SEMA3E: variants seen among roughly 807,000 people sequenced by gnomAD.
SEMA3E encodes semaphorin 3E.
SEMA3E carries 49 observed loss-of-function variants against 93.6 expected under a neutral mutation model. That is an observed-to-expected ratio of 0.52 (90% CI 0.42 to 0.66). The LOEUF is 0.66. SEMA3E is among the 30% of genes least tolerant of loss of function. The pLI, the probability that SEMA3E is intolerant of heterozygous loss-of-function variation, is 0.00. For synonymous variants in SEMA3E, 363 were observed against 330.7 expected (o/e 1.10, Z -1.06); for missense variants, 906 against 964.8 (o/e 0.94, Z 0.81).
intron 1 of SEMA3E, among the ~76,000 whole-genome samples, chr7:83,537,444 G>A (rs1032907350): frequency 6.6e-6 from 1 of 152,132 alleles, no homozygotes; most frequent in Admixed American, 6.6e-5. Context: ...GACATTTTTA[G>A]TTGTCACAAA....
chr7:83,468,354 G>A (rs116939733), intron 3 of SEMA3E, among the ~76,000 whole-genome samples: 2 of 152,162 alleles, frequency 1.3e-5, no homozygotes, highest in East Asian at 1.9e-4. Flanking sequence ...TTGACACACC[G>A]TCACATCTGA....
chr7:83,631,030 A>G (rs1261387101), intron 1 of SEMA3E, among the ~76,000 whole-genome samples: 1 of 152,172 alleles, frequency 6.6e-6, no homozygotes, highest in Non-Finnish European at 1.5e-5. Flanking sequence ...GCAAATCTAC[A>G]AGATTTCAAG....
chr7:83,505,756 C>T (rs1386232074), intron 1 of SEMA3E, among the ~76,000 whole-genome samples: 2 of 151,988 alleles, frequency 1.3e-5, no homozygotes, highest in East Asian at 1.9e-4. Flanking sequence ...TGGCTCATGC[C>T]TGTAATCCCA....
intron 5 of SEMA3E, 78 bp downstream of exon 5, chr7:83,418,312 A>G (rs912163671): frequency 5.0e-6 from 5 of 1,003,784 alleles, no homozygotes; most frequent in Admixed American, 2.0e-5. Context: ...GAAATGCTGA[A>G]AGAATGTAAC....
chr7:83,589,962 G>T (rs1353440236), intron 1 of SEMA3E, among the ~76,000 whole-genome samples: 1 of 152,146 alleles, frequency 6.6e-6, no homozygotes, highest in East Asian at 1.9e-4. Flanking sequence ...CACACCTTGA[G>T]AAATGGCTTC....
At chr7:83,615,686 C>A (rs999022873) in intron 1 of SEMA3E, among the ~76,000 whole-genome samples, 1 of 152,134 alleles carries the variant, frequency 6.6e-6, no homozygotes, top group South Asian at 2.1e-4. Flanking sequence ...ATCACCCATA[C>A]TTTCCCACCT....
chr7:83,513,136 T>C (rs186769296), intron 1 of SEMA3E, among the ~76,000 whole-genome samples: 2 of 152,342 alleles, frequency 1.3e-5, no homozygotes, highest in East Asian at 1.9e-4. Flanking sequence ...TTGGAGTCAT[T>C]AAGAACCATG....
At chr7:83,387,842 A>AAT in intron 14 of SEMA3E, among the ~76,000 whole-genome samples, 1 of 113,378 alleles carries the variant, frequency 8.8e-6, no homozygotes, top group South Asian at 2.5e-4. Flanking sequence ...ATATAACGTT[A>AAT]TATATATGTT....
At chr7:83,480,382 C>G (rs1217194600) in intron 2 of SEMA3E, among the ~76,000 whole-genome samples, 1 of 151,986 alleles carries the variant, frequency 6.6e-6, no homozygotes, top group African/African-American at 2.4e-5. Flanking sequence ...GAGCCGAGTT[C>G]GTGCCACTGT....
chr7:83,569,153 A>T (rs1381660166), intron 1 of SEMA3E, among the ~76,000 whole-genome samples: 1 of 142,536 alleles, frequency 7.0e-6, no homozygotes, highest in Non-Finnish European at 1.5e-5. Flanking sequence ...AAAAAAAAAA[A>T]AATCTTATAA....
chr7:83,376,240 G>T (rs2116903594), intron 16 of SEMA3E, among the ~76,000 whole-genome samples: 1 of 152,052 alleles, frequency 6.6e-6, no homozygotes, highest in East Asian at 1.9e-4. Context: ...TAAACTTATG[G>T]CTGGCTTTGA....
At chr7:83,552,633 G>A (rs1584326521) in intron 1 of SEMA3E, among the ~76,000 whole-genome samples, 2 of 152,174 alleles carry the variant, frequency 1.3e-5, no homozygotes, top group East Asian at 1.9e-4. Context: ...CCTGGGAAAG[G>A]AATGCATTCC....
chr7:83,392,828 T>A, intron 13 of SEMA3E, 107 bp from the exon 14 acceptor site: 2 of 1,067,432 alleles, frequency 1.9e-6, no homozygotes, highest in Non-Finnish European at 2.8e-6. Flanking sequence ...AAAATTCACT[T>A]AAATTTAATT....
chr7:83,401,941 CCTCA>C (rs1250485859), intron 10 of SEMA3E, among the ~76,000 whole-genome samples: 1 of 152,022 alleles, frequency 6.6e-6, no homozygotes, highest in Non-Finnish European at 1.5e-5. Flanking sequence ...TCATCATCAC[CCTCA>C]CTATCATCAT....
chr7:83,629,797 C>T (rs1219262438), intron 1 of SEMA3E, among the ~76,000 whole-genome samples: 6 of 152,078 alleles, frequency 3.9e-5, no homozygotes, highest in South Asian at 4.2e-4. Flanking sequence ...GGGGAGCGAA[C>T]GGATCTGCCT....
rs115464216 is a variant in SEMA3E, at chr7:83,505,506, C to T, written c.116-15232G>A. On this transcript the variant is annotated intron_variant, in intron 1 of 16. Coordinates refer to ENST00000643230, the MANE Select transcript of SEMA3E (RefSeq NM_012431.3). Reference sequence around the variant, plus strand: ...AAAACTATTTTTTAAATTTAAACTTCCCCATTTGTGGAAGTATAGGAGTGG... The same window carrying T: ...AAAACTATTTTTTAAATTTAAACTTTCCCATTTGTGGAAGTATAGGAGTGG... Among the ~76,000 whole-genome samples, 620 of 152,250 alleles carry T rather than the reference C, an allele frequency of 4.1e-3. 6 individuals are homozygous for T. The highest frequency in any genetic ancestry group is 0.012 in the African/African-American group (499 of 41,548).
intron 4 of SEMA3E, among the ~76,000 whole-genome samples, chr7:83,462,424 C>T (rs1789647135): frequency 6.6e-6 from 1 of 152,130 alleles, no homozygotes; most frequent in Non-Finnish European, 1.5e-5. Context: ...CCTTATTAGG[C>T]TGAGACACTT....
chr7:83,453,843 A>T lies in SEMA3E; in HGVS notation c.456+12639T>A, dbSNP rs115543608. ...ATATATAAAAATTATCTGAAAGTAT[A>T]ATGTTATAAAAATGTAAATATTCAT... On this transcript the variant is annotated intron_variant, in intron 4 of 16. Transcript: ENST00000643230. 2.8e-3 allele frequency among the ~76,000 whole-genome samples: 422 copies of T among 152,180 alleles called. 2 individuals are homozygous for T. Among genetic ancestry groups the T allele is most frequent in the African/African-American group, 8.5e-3 (352 of 41,532 alleles).
At chr7:83,413,684 T>A (rs1261507631) in intron 5 of SEMA3E, among the ~76,000 whole-genome samples, 1 of 152,164 alleles carries the variant, frequency 6.6e-6, no homozygotes, top group Non-Finnish European at 1.5e-5. Context: ...TTAGCTGTTG[T>A]TTGGGCTTTC....
Sources: gnomAD v4.1 joint callset for allele counts (sites outside exome capture counted in the v4.1 genomes callset) on GRCh38, gnomAD v4.1.1 for gene constraint, MANE v1.5 for transcripts, NCBI Gene and HGNC (gene_info 2026-07-23, HGNC 2026-07-21) for gene names.